The following CEP128 variants were observed in gnomAD, a reference collection of about 807,000 sequenced individuals.
CEP128 encodes centrosomal protein 128kDa.
In CEP128, 132 loss-of-function variants were observed where a neutral mutation model predicts 156.7. That is an observed-to-expected ratio of 0.84 (90% CI 0.73 to 0.97). The LOEUF is 0.97. Among genes scored for constraint, CEP128 ranks in the 50% least tolerant of loss-of-function variants. CEP128 has a pLI of 0.00. For missense variants in CEP128, 1,252 were observed against 1,281.9 expected (o/e 0.98, Z 0.36); for synonymous variants, 469 against 448.9 (o/e 1.04, Z -0.57).
intron 19 of CEP128, among the ~76,000 whole-genome samples, chr14:80,656,326 T>C (rs1465353887): frequency 2.9e-4 from 5 of 17,222 alleles, no homozygotes; most frequent in African/African-American, 6.4e-4. Context: ...TATATATATA[T>C]ATATATATAT....
intron 24 of CEP128, among the ~76,000 whole-genome samples, chr14:80,502,130 A>G (rs1887766749): frequency 6.6e-6 from 1 of 152,198 alleles, no homozygotes; most frequent in African/African-American, 2.4e-5. Context: ...TGCAAGGAGC[A>G]GGACCTCTGC....
At chr14:80,699,098 A>G (rs573849486) in intron 19 of CEP128, among the ~76,000 whole-genome samples, 1 of 152,326 alleles carries the variant, frequency 6.6e-6, no homozygotes, top group South Asian at 2.1e-4. Flanking sequence ...CTGATACTCA[A>G]ACGGAAATTA....
intron 14 of CEP128, among the ~76,000 whole-genome samples, chr14:80,478,734 G>A (rs1886993890): frequency 6.6e-6 from 1 of 152,150 alleles, no homozygotes; most frequent in Non-Finnish European, 1.5e-5. Flanking sequence ...TACACGTTAG[G>A]TACAGAGTAT....
rs1470603477 is a variant in CEP128, at chr14:80,761,559, A to G, written c.2431T>C (p.Leu811=). Residue 811 remains leucine (L), a synonymous_variant, in exon 17 of 25, where the codon TTG becomes CTG. Coordinates refer to ENST00000555265, the MANE Select transcript of CEP128 (RefSeq NM_152446.5). ...CAAAGAAGTTGATCCTTGAGCTGCA[A>G]TCTGGCCTCTTCCATCCTCCTTAAG... ...EHLRRMEEAR[L]QLKDQLLCLE... 2.5e-6 allele frequency: 4 copies of G among 1,612,592 alleles called. No homozygotes were observed. The Admixed American group carries it at 5.0e-5, about 20-fold the overall frequency.
chr14:80,576,201 T>A (rs1422387197), intron 20 of CEP128, among the ~76,000 whole-genome samples: 1 of 152,164 alleles, frequency 6.6e-6, no homozygotes, highest in Non-Finnish European at 1.5e-5. Flanking sequence ...AGTCACTGAA[T>A]GCAATTCAAC....
In CEP128 at chr14:80,605,972, ATTTAT is replaced by A. The variant is rs200510724; in HGVS notation, c.2807-25554_2807-25550del. ...ATTATAGTATAAACTTTAAAAAATT[ATTTAT>A]TTTATTTTTATTATAATTTTATCTT... is the stretch of plus-strand genomic sequence containing the variant. On this transcript the variant is annotated intron_variant, in intron 19 of 24. Coordinates refer to ENST00000555265, the MANE Select transcript of CEP128 (RefSeq NM_152446.5). 6.4e-4 allele frequency among the ~76,000 whole-genome samples: 97 copies of A among 151,786 alleles called. 1 individual carries two copies. The East Asian group carries it at 0.012, about 19-fold the overall frequency.
At chr14:80,835,805 TTC>T (rs1360190182) in intron 12 of CEP128, among the ~76,000 whole-genome samples, 50 of 152,212 alleles carry the variant, frequency 3.3e-4, no homozygotes, top group African/African-American at 1.2e-3. Context: ...TGACTTTAAT[TTC>T]TCTTATACTG....
In CEP128 at chr14:80,743,229, T is replaced by G; in HGVS notation, c.2652A>C (p.Arg884Ser). ...GTCGCAGATTTTTCTCTCTGTTTTCTCTCTCTTTCAGTTCCTCACAGAGCC... is the reference window on the plus strand; with the variant it reads ...GTCGCAGATTTTTCTCTCTGTTTTCGCTCTCTTTCAGTTCCTCACAGAGCC... ...LQWLCEELKE[R>S]ENREKNLRHQ... The change falls in exon 19 of 25, where the codon AGA (arginine) becomes AGC (serine). Residue 884 changes from arginine (R) to serine (S), a missense_variant. Arg to Ser is a moderately radical substitution (Grantham distance 110). Coordinates refer to ENST00000555265, the MANE Select transcript of CEP128 (RefSeq NM_152446.5). The G allele has an allele frequency of 6.2e-7, 1 of 1,613,462 alleles. No individual in the cohort carries two copies. The highest frequency in any genetic ancestry group is 8.5e-7 in the Non-Finnish European group (1 of 1,179,726).
chr14:80,540,206 C>CCCG (rs1555372615), intron 21 of CEP128, among the ~76,000 whole-genome samples: 2 of 146,812 alleles, frequency 1.4e-5, no homozygotes, highest in Admixed American at 6.7e-5. Context: ...CACCCCCCCC[C>CCCG]CTTTTGAAAC....
chr14:80,764,505 CA>C (rs796700170), intron 16 of CEP128, among the ~76,000 whole-genome samples: 1,210 of 87,560 alleles, frequency 0.014, 13 homozygotes, highest in Non-Finnish European at 0.016. Context: ...GACTCCGTCT[CA>C]AAAAAAAAAA....
chr14:80,880,897 A>C (rs1236449903), intron 8 of CEP128, among the ~76,000 whole-genome samples: 1 of 143,656 alleles, frequency 7.0e-6, no homozygotes, highest in Non-Finnish European at 1.5e-5. Flanking sequence ...AATAATAATA[A>C]TAATAATAAT....
At chr14:80,742,481 C>T (rs1898881476) in intron 19 of CEP128, among the ~76,000 whole-genome samples, 1 of 152,108 alleles carries the variant, frequency 6.6e-6, no homozygotes, top group African/African-American at 2.4e-5. Context: ...ATCAATAGGC[C>T]TCTAACTGGA....
At chr14:80,527,050 T>G (rs976521425) in intron 22 of CEP128, 68 bp from the exon 23 acceptor site, 20 of 737,174 alleles carry the variant, frequency 2.7e-5, no homozygotes, top group South Asian at 9.5e-5. Context: ...GAAATTAGAG[T>G]AAGAAAGAGT....
intron 19 of CEP128, among the ~76,000 whole-genome samples, chr14:80,583,168 T>C (rs1272478068): frequency 6.6e-6 from 1 of 152,098 alleles, no homozygotes. Flanking sequence ...ATACGGGTCA[T>C]ACTACTCTTC....
intron 13 of CEP128, among the ~76,000 whole-genome samples, chr14:80,801,284 GTGGTGAGAGAGGGCATCCTTGTCT>G (rs1883831094): frequency 6.6e-6 from 1 of 152,136 alleles, no homozygotes; most frequent in South Asian, 2.1e-4. Context: ...TTGAACAGGA[GTGGTGAGAGAGGGCATCCTTGTCT>G]TGTACCGGTT....
chr14:80,790,943 A>T (rs1358355129), intron 14 of CEP128, among the ~76,000 whole-genome samples: 1 of 152,128 alleles, frequency 6.6e-6, no homozygotes, highest in African/African-American at 2.4e-5. Flanking sequence ...GTAAATCAGT[A>T]TAATTTTTAT....
chr14:80,526,357 T>C (rs1367785835), intron 23 of CEP128, among the ~76,000 whole-genome samples: 1 of 152,144 alleles, frequency 6.6e-6, no homozygotes, highest in Non-Finnish European at 1.5e-5. Flanking sequence ...GAATGTATGC[T>C]TTTTGTTAAT....
chr14:80,759,910 GT>G lies in CEP128; in HGVS notation c.2553+1526del, dbSNP rs1566898637. Among the ~76,000 whole-genome samples the G allele has an allele frequency of 8.2e-4, 7 of 8,486 alleles. No homozygotes were observed. The Non-Finnish European group carries it at 0.013, about 16-fold the overall frequency. The allele number at this position is 8,486 out of a possible 152,430, so 5.6% of individuals were successfully genotyped here. ...CATATGTGAGTGCATATATATAGGTGTGTGTGTGTGTGTGTGTGTGTGTATA... is the reference window on the plus strand; with the variant it reads ...CATATGTGAGTGCATATATATAGGTGGTGTGTGTGTGTGTGTGTGTGTATA... On this transcript the variant is annotated intron_variant, in intron 17 of 24. Transcript: ENST00000555265.
At chr14:80,780,398 CT>C (rs775553878) in intron 15 of CEP128, among the ~76,000 whole-genome samples, 1 of 151,842 alleles carries the variant, frequency 6.6e-6, no homozygotes, top group Admixed American at 6.6e-5. Context: ...GTGATTTTTC[CT>C]TAAGGGTAAA....
Sources: allele counts gnomAD v4.1 joint callset (sites outside exome capture counted in the v4.1 genomes callset), GRCh38; gene constraint gnomAD v4.1.1; transcripts MANE v1.5; gene names NCBI Gene and HGNC (gene_info 2026-07-23, HGNC 2026-07-21).